Variants in FANK1 observed in about 807,000 individuals in gnomAD.
FANK1 encodes fibronectin type 3 and ankyrin repeat domains protein 1.
In FANK1, 44 loss-of-function variants were observed where a neutral mutation model predicts 45.3. That is an observed-to-expected ratio of 0.97 (90% CI 0.76 to 1.25). FANK1 has a LOEUF of 1.25. Ranked by LOEUF, FANK1 falls within the 50% of genes most tolerant of loss-of-function variation. The pLI, the probability that FANK1 is intolerant of heterozygous loss-of-function variation, is 0.00. For synonymous variants in FANK1, 149 were observed against 152.5 expected (o/e 0.98, Z 0.17); for missense variants, 391 against 424.4 (o/e 0.92, Z 0.69).
At chr10:125,984,388 G>A (rs948399035) in intron 2 of FANK1, among the ~76,000 whole-genome samples, 1 of 152,164 alleles carries the variant, frequency 6.6e-6, no homozygotes, top group Non-Finnish European at 1.5e-5. Context: ...AGCCATGTCC[G>A]AGTTCAACAG....
chr10:126,009,325 A>G (rs577790925), intron 10 of FANK1, 48 bp from the exon 11 acceptor site: 4 of 1,613,826 alleles, frequency 2.5e-6, no homozygotes, highest in Admixed American at 3.3e-5. Context: ...ACTCAGAAAA[A>G]CCACCAAAAC....
At chr10:126,004,673 G>A in intron 6 of FANK1, 1 of 531,190 alleles carries the variant, frequency 1.9e-6, no homozygotes, top group Non-Finnish European at 3.4e-6. Flanking sequence ...GTTCATGCAT[G>A]TTTGTAGCAC....
intron 1 of FANK1, among the ~76,000 whole-genome samples, chr10:125,945,368 C>T (rs530136132): frequency 6.6e-6 from 1 of 152,302 alleles, no homozygotes; most frequent in Admixed American, 6.5e-5. Context: ...GAGTGCCAGA[C>T]AGTGGGCGCA....
chr10:125,999,567 A>G (rs1285490765), intron 6 of FANK1, among the ~76,000 whole-genome samples: 3 of 152,134 alleles, frequency 2.0e-5, no homozygotes, highest in African/African-American at 4.8e-5. Flanking sequence ...AATCATCTCA[A>G]TCAGCCAGTG....
chr10:125,950,920 A>T (rs988094317), intron 1 of FANK1, among the ~76,000 whole-genome samples: 1 of 151,312 alleles, frequency 6.6e-6, no homozygotes, highest in African/African-American at 2.4e-5. Context: ...GCCATAAAAA[A>T]TGATGAGTTC....
At chr10:125,916,244 CCAGGATGGTCTCGATCT>C (rs1383885104) in intron 1 of FANK1, among the ~76,000 whole-genome samples, 1 of 152,036 alleles carries the variant, frequency 6.6e-6, no homozygotes, top group Non-Finnish European at 1.5e-5. Context: ...ACCATGTTGG[CCAGGATGGTCTCGATCT>C]CTTGACCCGC....
At chr10:125,912,425 TTTTA>T in intron 1 of FANK1, among the ~76,000 whole-genome samples, 1 of 150,884 alleles carries the variant, frequency 6.6e-6, no homozygotes. Flanking sequence ...TTTGTTTCCT[TTTTA>T]TTGGCACCAC....
In FANK1 at chr10:126,009,316, C is replaced by T. The variant is rs769300651; in HGVS notation, c.972+50C>T. On this transcript the variant is annotated intron_variant, in intron 10 of 10. Transcript: ENST00000368693. ...AAGGCTAATTTTTAGTCCTTCTAGA[C>T]TCAGAAAAACCACCAAAACCCTGGA... 35 of 1,613,874 alleles carry T rather than the reference C, an allele frequency of 2.2e-5. No homozygotes were observed. The East Asian group carries it at 7.6e-4, about 35-fold the overall frequency.
intron 1 of FANK1, among the ~76,000 whole-genome samples, chr10:125,904,677 A>G (rs1945332976): frequency 6.6e-6 from 1 of 151,604 alleles, no homozygotes; most frequent in Admixed American, 6.6e-5. Flanking sequence ...CACCCCGCTT[A>G]GTGTGCTGTT....
chr10:125,970,229 A>AG (rs1950416225), intron 1 of FANK1, among the ~76,000 whole-genome samples: 1 of 151,652 alleles, frequency 6.6e-6, no homozygotes, highest in Non-Finnish European at 1.5e-5. Flanking sequence ...CACCCCCCAG[A>AG]GGGGGCGGCC....
chr10:125,931,036 T>G (rs1947719640), intron 1 of FANK1, among the ~76,000 whole-genome samples: 2 of 152,220 alleles, frequency 1.3e-5, no homozygotes. Context: ...TCACTGCAAG[T>G]GCTGTTAATT....
intron 2 of FANK1, among the ~76,000 whole-genome samples, 170 bp from the exon 3 acceptor site, chr10:125,988,381 C>CG (rs1951704847): frequency 1.3e-5 from 2 of 152,082 alleles, no homozygotes; most frequent in South Asian, 4.2e-4. Flanking sequence ...AGGGATGGGG[C>CG]GCCATGTGGG....
At chr10:125,999,329 AGCTG>A (rs1367981830) in intron 6 of FANK1, among the ~76,000 whole-genome samples, 5 of 151,298 alleles carry the variant, frequency 3.3e-5, no homozygotes, top group African/African-American at 1.2e-4. Context: ...CCTCCCAAGT[AGCTG>A]GAACTATAGG....
intron 1 of FANK1, among the ~76,000 whole-genome samples, chr10:125,924,097 C>T (rs564905572): frequency 6.6e-6 from 1 of 152,242 alleles, no homozygotes; most frequent in East Asian, 1.9e-4. Context: ...GCCTGGGCAA[C>T]AGAATGAGAC....
chr10:125,913,417 AACAG>A (rs765581364), intron 1 of FANK1, among the ~76,000 whole-genome samples: 14 of 152,138 alleles, frequency 9.2e-5, no homozygotes, highest in South Asian at 2.1e-4. Context: ...GTGTTTATGA[AACAG>A]ACAGCTGTCG....
At chr10:126,008,985 T>C in intron 8 of FANK1, 69 bp from the exon 9 acceptor site, 1 of 1,465,034 alleles carries the variant, frequency 6.8e-7, no homozygotes, top group Admixed American at 1.7e-5. Flanking sequence ...TGTGCCAGGC[T>C]CATGCCCCCT....
At chr10:126,008,930 C>T in intron 8 of FANK1, 124 bp from the exon 9 acceptor site, 2 of 850,698 alleles carry the variant, frequency 2.4e-6, no homozygotes, top group Non-Finnish European at 3.7e-6. Context: ...CATGCAAAGC[C>T]ACAGTGGTCT....
At chr10:125,986,640 G>C (rs1265972585) in intron 2 of FANK1, among the ~76,000 whole-genome samples, 1 of 152,118 alleles carries the variant, frequency 6.6e-6, no homozygotes, top group Non-Finnish European at 1.5e-5. Flanking sequence ...CCCTTTCTCA[G>C]ACTGCCTGGG....
chr10:125,995,020 C>CTTTT (rs11455539), intron 3 of FANK1: 6 of 674,966 alleles, frequency 8.9e-6, no homozygotes, highest in Non-Finnish European at 1.1e-5. Context: ...AGCACTTTGT[C>CTTTT]TTTTTTTTTT....
Sources: gnomAD v4.1 joint callset for allele counts (sites outside exome capture counted in the v4.1 genomes callset) on GRCh38, gnomAD v4.1.1 for gene constraint, MANE v1.5 for transcripts, NCBI Gene and HGNC (gene_info 2026-07-23, HGNC 2026-07-21) for gene names.